WBP2NL: variants seen among roughly 807,000 people sequenced by gnomAD.
WBP2NL encodes the protein WBP2 N-terminal like.
A neutral mutation model predicts 23.3 loss-of-function variants in WBP2NL; 27 were observed. The ratio of observed to expected loss-of-function variants is 1.16; its 90% CI spans 0.85 to 1.60. The LOEUF is 1.60. WBP2NL is among the 40% of genes most tolerant of loss of function. The pLI is 0.00. For missense variants in WBP2NL, 370 were observed against 389.5 expected, an observed-to-expected ratio of 0.95 and a Z score of 0.42; for synonymous variants, 151 against 145.9, an observed-to-expected ratio of 1.03 and a Z score of -0.25.
At chr22:42,048,484 C>T (rs550794922) in intron 8 of WBP2NL, among the ~76,000 whole-genome samples, 90 of 151,904 alleles carry the variant, frequency 5.9e-4, no homozygotes, top group African/African-American at 2.1e-3. Flanking sequence ...AGGCCGGGCA[C>T]GGTGGTTCAT....
chr22:42,056,062 T>C (rs1926015916), intron 8 of WBP2NL, among the ~76,000 whole-genome samples: 1 of 152,366 alleles, frequency 6.6e-6, no homozygotes, highest in South Asian at 2.1e-4. Flanking sequence ...TTTGTCATTT[T>C]ACTATTTGTG....
At chr22:42,036,953 T>C (rs1257344464), downstream of WBP2NL, among the ~76,000 whole-genome samples, 1 of 152,216 alleles carries the variant, frequency 6.6e-6, no homozygotes, top group East Asian at 1.9e-4. Context: ...CACTTGTCTA[T>C]TTTTTCTTTC....
chr22:42,015,403 T>C (rs1270867047), intron 1 of WBP2NL, among the ~76,000 whole-genome samples: 1 of 152,018 alleles, frequency 6.6e-6, no homozygotes, highest in African/African-American at 2.4e-5. Context: ...TCTTTTTGCA[T>C]CATTTCCTTT....
intron 1 of WBP2NL, among the ~76,000 whole-genome samples, chr22:42,016,123 A>C (rs1923290011): frequency 1.3e-5 from 2 of 151,914 alleles, no homozygotes; most frequent in African/African-American, 4.9e-5. Context: ...CTGGGATTAC[A>C]GACACATGCC....
At chr22:42,030,878 C>T (rs894883943), downstream of WBP2NL, 5 of 152,038 alleles carry the variant, frequency 3.3e-5, no homozygotes, top group African/African-American at 4.8e-5. Flanking sequence ...GAAAGTTTTC[C>T]GAGTAACTGA....
At chr22:42,014,434 C>G (rs1923123983) in intron 1 of WBP2NL, among the ~76,000 whole-genome samples, 1 of 151,882 alleles carries the variant, frequency 6.6e-6, no homozygotes, top group African/African-American at 2.4e-5. Context: ...ACCATGTTGC[C>G]CTTGCTGGTG....
intron 1 of WBP2NL, among the ~76,000 whole-genome samples, chr22:42,004,112 A>C (rs1921977119): frequency 6.6e-6 from 1 of 152,096 alleles, no homozygotes; most frequent in African/African-American, 2.4e-5. Context: ...CTCTACTAAG[A>C]ATATGTAAAA....
intron 5 of WBP2NL, among the ~76,000 whole-genome samples, chr22:42,025,447 C>T (rs978343010): frequency 6.6e-6 from 1 of 152,194 alleles, no homozygotes. Flanking sequence ...AGATTGGCCA[C>T]CTCTGTTTTA....
chr22:42,041,098 A>G (rs1303022324), intron 8 of WBP2NL, among the ~76,000 whole-genome samples: 1 of 152,192 alleles, frequency 6.6e-6, no homozygotes, highest in Non-Finnish European at 1.5e-5. Flanking sequence ...CAGTACATAC[A>G]TGTTTATAAT....
At chr22:42,034,217 G>T (rs1278493752), downstream of WBP2NL, among the ~76,000 whole-genome samples, 1 of 152,242 alleles carries the variant, frequency 6.6e-6, no homozygotes, top group Admixed American at 6.5e-5. Context: ...ATGCCTGCAA[G>T]GGCAAGGGGG....
At chr22:42,034,544 C>G (rs933947231), downstream of WBP2NL, among the ~76,000 whole-genome samples, 2 of 152,208 alleles carry the variant, frequency 1.3e-5, no homozygotes, top group African/African-American at 4.8e-5. Flanking sequence ...AAGTTTCAGG[C>G]ACCATTGTCA....
intron 8 of WBP2NL, among the ~76,000 whole-genome samples, chr22:42,047,766 C>T (rs1288854517): frequency 7.1e-6 from 1 of 140,752 alleles, no homozygotes; most frequent in Admixed American, 6.7e-5. Flanking sequence ...GGACTATAGG[C>T]GCATGCCACC....
rs1327546435 is a variant in WBP2NL, at chr22:42,049,676, C to T, written c.*274-8614C>T. The stretch of plus-strand genomic sequence containing the variant: ...CTGCACTCCAGCCTGGGTGACAGAG[C>T]GAGACTCCGTCTCCAAAACAAAACA... On this transcript the variant is annotated intron_variant and NMD_transcript_variant, in intron 8 of 8. Transcript: ENST00000436265. 7.2e-5 allele frequency among the ~76,000 whole-genome samples: 8 copies of T among 111,586 alleles called. No individual in the cohort carries two copies. In the South Asian group the frequency reaches 1.1e-3, roughly 16 times the overall value. The allele number at this position is 111,586 out of a possible 152,430, so 73.2% of individuals were successfully genotyped here. A position where few individuals can be genotyped will look rare whatever the true frequency, so the allele number is the denominator to read the frequency against.
intron 8 of WBP2NL, among the ~76,000 whole-genome samples, chr22:42,053,828 C>T (rs961648676): frequency 3.9e-5 from 6 of 152,038 alleles, no homozygotes; most frequent in African/African-American, 1.4e-4. Context: ...TATTCAAATT[C>T]TTTGTCTATT....
At chr22:42,014,566 T>C (rs1220151777) in intron 1 of WBP2NL, among the ~76,000 whole-genome samples, 1 of 152,138 alleles carries the variant, frequency 6.6e-6, no homozygotes, top group Non-Finnish European at 1.5e-5. Flanking sequence ...CTCCTCTCCT[T>C]CTTGAATTCC....
At chr22:42,033,901 C>T (rs1925083917), downstream of WBP2NL, among the ~76,000 whole-genome samples, 2 of 152,240 alleles carry the variant, frequency 1.3e-5, no homozygotes, top group Admixed American at 6.5e-5. Context: ...CAAGTTCTCA[C>T]TCCAGTCCAT....
intron 8 of WBP2NL, among the ~76,000 whole-genome samples, chr22:42,052,316 T>C (rs376960092): frequency 6.6e-6 from 1 of 152,096 alleles, no homozygotes; most frequent in Non-Finnish European, 1.5e-5. Context: ...GGAGTCTGGC[T>C]CTGTCACCCA....
chr22:42,005,746 G>T (rs1922170602), intron 1 of WBP2NL, among the ~76,000 whole-genome samples: 1 of 152,202 alleles, frequency 6.6e-6, no homozygotes, highest in African/African-American at 2.4e-5. Flanking sequence ...TCAGCTGCAG[G>T]CAAGAGCAGA....
downstream of WBP2NL, among the ~76,000 whole-genome samples, chr22:42,034,126 G>C (rs553536018): frequency 2.2e-3 from 333 of 152,356 alleles, 3 homozygotes; most frequent in Non-Finnish European, 4.0e-3. Context: ...GCGGCAGGGG[G>C]CTGGTGTGTC....
Sources: gnomAD v4.1 joint callset for allele counts (sites outside exome capture counted in the v4.1 genomes callset) on GRCh38, gnomAD v4.1.1 for gene constraint, MANE v1.5 for transcripts, NCBI Gene and HGNC (gene_info 2026-07-23, HGNC 2026-07-21) for gene names.